RCHY1: variants seen among roughly 807,000 people sequenced by gnomAD.
The protein encoded by RCHY1 is ring finger and CHY zinc finger domain containing 1.
A neutral mutation model predicts 41.6 loss-of-function variants in RCHY1; 21 were observed. That is an observed-to-expected ratio of 0.51 (90% CI 0.36 to 0.73). RCHY1 has a LOEUF of 0.73. RCHY1 is among the 30% of genes least tolerant of loss of function. The probability of loss-of-function intolerance (pLI) is 0.00; values close to 1 mark genes in which losing one functional copy is unlikely to be tolerated. For missense variants in RCHY1, 265 were observed against 325.3 expected (o/e 0.81, Z 1.43); for synonymous variants, 79 against 102.9 (o/e 0.77, Z 1.41).
rs1180170921 is a variant in RCHY1, at chr4:75,482,642, G to A, written c.682C>T (p.Arg228Ter). ...VDILCNDCNG[R>*]STVQFHILGM... is the part of the protein sequence containing the mutation. ...AATATATGAAACTGAACAGTGGATC[G>A]TCCATTACAGTCATTGCAGAGAATC... Residue 228 changes from arginine to a stop codon, truncating the protein, a stop_gained, in exon 9 of 9, where the codon CGA (arginine) becomes TGA (stop). Coordinates refer to ENST00000324439, the MANE Select transcript of RCHY1 (RefSeq NM_015436.4). LOFTEE classifies it high-confidence loss of function. The A allele has an allele frequency of 3.1e-6, 5 of 1,607,284 alleles. No individual in the cohort carries two copies. The highest frequency in any genetic ancestry group is 1.3e-5 in the African/African-American group (1 of 74,606).
chr4:75,510,703 A>T (rs967136260), intron 1 of RCHY1, among the ~76,000 whole-genome samples: 7 of 152,346 alleles, frequency 4.6e-5, no homozygotes, highest in African/African-American at 1.4e-4. Context: ...GCTTTGGTTT[A>T]TGTGGATTTT....
chr4:75,495,671 T>G (rs1723134469), intron 3 of RCHY1, among the ~76,000 whole-genome samples: 1 of 152,074 alleles, frequency 6.6e-6, no homozygotes, highest in Admixed American at 6.6e-5. Flanking sequence ...GAGTTCCTGT[T>G]TAGCTACACA....
At chr4:75,498,713 T>A (rs1398412736) in intron 3 of RCHY1, among the ~76,000 whole-genome samples, 1 of 152,104 alleles carries the variant, frequency 6.6e-6, no homozygotes, top group Non-Finnish European at 1.5e-5. Context: ...CAATAAATGG[T>A]GCAGAAAAAA....
chr4:75,486,974 G>A (rs914600145), intron 8 of RCHY1, among the ~76,000 whole-genome samples: 59 of 151,812 alleles, frequency 3.9e-4, no homozygotes, highest in African/African-American at 1.3e-3. Flanking sequence ...GAAAGACTCC[G>A]TCTAAAAAAA....
rs771418645 is a variant in RCHY1 at position 75,509,279 on chromosome 4, C to T, written c.108G>A (p.Lys36=). The T allele has an allele frequency of 6.2e-6, 10 of 1,612,896 alleles. No homozygotes were observed. In the South Asian group the frequency reaches 9.9e-5, roughly 16 times the overall value. Residue 36 remains lysine (K), a synonymous_variant, in exon 2 of 9, where the codon AAG becomes AAA. Coordinates refer to ENST00000324439, the MANE Select transcript of RCHY1 (RefSeq NM_015436.4). ...GCLLKAPCCD[K]LYTCRLCHDN... ...CATGACACAAGCGGCAAGTATAAAG[C>T]TTGTCACAGCAAGGTGCCTAACACC...
At chr4:75,491,520 G>A (rs1722747860) in intron 7 of RCHY1, 91 bp downstream of exon 7, 9 of 1,157,188 alleles carry the variant, frequency 7.8e-6, no homozygotes, top group Non-Finnish European at 1.0e-5. Context: ...GCCCAATATA[G>A]TATAAGTAAC....
At chr4:75,506,515 TTAAA>T (rs755239907) in intron 3 of RCHY1, among the ~76,000 whole-genome samples, 3 of 151,956 alleles carry the variant, frequency 2.0e-5, no homozygotes, top group South Asian at 4.1e-4. Flanking sequence ...ATTTTATAAC[TTAAA>T]TAAATAGATA....
intron 8 of RCHY1, among the ~76,000 whole-genome samples, chr4:75,484,392 T>C (rs1721806666): frequency 6.6e-6 from 1 of 152,192 alleles, no homozygotes. Flanking sequence ...AGGATCCAAC[T>C]GCCTTGGATC....
intron 3 of RCHY1, among the ~76,000 whole-genome samples, chr4:75,500,714 G>A (rs1446984438): frequency 6.6e-6 from 1 of 152,094 alleles, no homozygotes; most frequent in South Asian, 2.1e-4. Context: ...CAGTAGGAGA[G>A]CTATACCAAG....
chr4:75,509,423 C>T (rs1724664231), intron 1 of RCHY1, 127 bp from the exon 2 acceptor site: 4 of 733,312 alleles, frequency 5.5e-6, no homozygotes, highest in East Asian at 2.7e-5. Flanking sequence ...AGATCAGTTG[C>T]TAAACTGATC....
At position 75,508,942 on chromosome 4, in the gene RCHY1, A is replaced by G; in HGVS notation, c.211-7T>C. On this transcript the variant is annotated splice_region_variant and splice_polypyrimidine_tract_variant and intron_variant, in intron 2 of 8. Coordinates refer to ENST00000324439, the MANE Select transcript of RCHY1 (RefSeq NM_015436.4). ...CTTCACAAGTCTGTTGGGCCTAAAA[A>G]AGAAACATAATTAAAAACTGCAATA... 6.4e-7 allele frequency: 1 copy of G among 1,567,700 alleles called. No homozygotes were observed. Among genetic ancestry groups the G allele is most frequent in the Non-Finnish European group, 8.7e-7 (1 of 1,152,646 alleles).
intron 4 of RCHY1, 79 bp downstream of exon 4, chr4:75,494,022 C>T: frequency 2.4e-6 from 2 of 822,610 alleles, no homozygotes; most frequent in South Asian, 1.7e-5. Context: ...AATTAGCATG[C>T]TTCCAAAACA....
intron 3 of RCHY1, 199 bp from the exon 4 acceptor site, chr4:75,494,378 CT>C (rs1207504245): frequency 2.1e-5 from 9 of 438,916 alleles, no homozygotes; most frequent in East Asian, 8.1e-5. Context: ...CCTTCTAGGG[CT>C]TTTTTTTCTT....
chr4:75,494,008 T>C, intron 4 of RCHY1, 93 bp downstream of exon 4: 2 of 745,730 alleles, frequency 2.7e-6, no homozygotes, highest in Non-Finnish European at 2.2e-6. Flanking sequence ...TGGAAATACA[T>C]GAAAATTAGC....
chr4:75,502,924 T>C (rs1723925396), intron 3 of RCHY1, among the ~76,000 whole-genome samples: 1 of 152,136 alleles, frequency 6.6e-6, no homozygotes, highest in Non-Finnish European at 1.5e-5. Context: ...ACCTTCTTTG[T>C]AGTTTTCCTT....
chr4:75,487,539 A>AAT (rs1180954161), intron 8 of RCHY1, among the ~76,000 whole-genome samples: 1 of 113,454 alleles, frequency 8.8e-6, no homozygotes, highest in South Asian at 2.5e-4. Context: ...ATATATTCAT[A>AAT]ATATATATAT....
At chr4:75,508,705 CTTAAAA>C (rs1177466254) in intron 3 of RCHY1, 109 bp downstream of exon 3, 1 of 546,470 alleles carries the variant, frequency 1.8e-6, no homozygotes, top group Non-Finnish European at 3.2e-6. Context: ...TAATTGGACA[CTTAAAA>C]TGAATGTATC....
At chr4:75,504,959 C>T (rs967125124) in intron 3 of RCHY1, among the ~76,000 whole-genome samples, 3 of 152,058 alleles carry the variant, frequency 2.0e-5, no homozygotes, top group African/African-American at 7.2e-5. Flanking sequence ...AAAACACTGC[C>T]AAAGATATAC....
chr4:75,489,117 T>C (rs1436612383), intron 8 of RCHY1, among the ~76,000 whole-genome samples: 2 of 152,024 alleles, frequency 1.3e-5, no homozygotes, highest in Admixed American at 6.6e-5. Flanking sequence ...TGGCTCATCA[T>C]GGAAAAGATA....
Sources: allele counts gnomAD v4.1 joint callset (sites outside exome capture counted in the v4.1 genomes callset), GRCh38; gene constraint gnomAD v4.1.1; transcripts MANE v1.5; gene names NCBI Gene and HGNC (gene_info 2026-07-23, HGNC 2026-07-21).